The following FAT3 variants were observed in gnomAD, a reference collection of about 807,000 sequenced individuals.
FAT3 encodes the protein protocadherin Fat 3.
FAT3 carries 95 observed loss-of-function variants against 310.2 expected under a neutral mutation model. The ratio of observed to expected loss-of-function variants is 0.31; its 90% CI spans 0.26 to 0.36. The LOEUF is 0.36. Ranked by LOEUF, FAT3 falls within the 10% of genes least tolerant of loss-of-function variation. FAT3 has a pLI of 1.00. For missense variants in FAT3, 5,408 were observed against 5,715.6 expected (o/e 0.95, Z 1.74); for synonymous variants, 2,314 against 2,192.9 (o/e 1.06, Z -1.54).
At chr11:92,867,531 C>T (rs537980344) in intron 22 of FAT3, among the ~76,000 whole-genome samples, 3 of 152,290 alleles carry the variant, frequency 2.0e-5, no homozygotes, top group South Asian at 2.1e-4. Flanking sequence ...AATGGAACCC[C>T]CTTTTAAATA....
chr11:92,667,744 G>A (rs1006295984), intron 3 of FAT3, among the ~76,000 whole-genome samples: 5 of 152,162 alleles, frequency 3.3e-5, no homozygotes, highest in African/African-American at 7.2e-5. Context: ...TCATGAATGA[G>A]GAACAATGAG....
intron 2 of FAT3, among the ~76,000 whole-genome samples, chr11:92,398,752 G>T (rs1245679762): frequency 6.6e-6 from 1 of 152,098 alleles, no homozygotes; most frequent in South Asian, 2.1e-4. Flanking sequence ...TTCATGTTCT[G>T]TTCTGTTCTA....
intron 1 of FAT3, among the ~76,000 whole-genome samples, chr11:92,226,842 G>T (rs996703964): frequency 6.6e-6 from 1 of 152,178 alleles, no homozygotes. Context: ...CAGCCGCGGC[G>T]GGAGGGAGGG....
chr11:92,679,092 A>C (rs2135850620), intron 3 of FAT3, among the ~76,000 whole-genome samples: 1 of 151,780 alleles, frequency 6.6e-6, no homozygotes, highest in South Asian at 2.1e-4. Flanking sequence ...TAAGGTAATG[A>C]CCTCCAGTTC....
chr11:92,442,081 T>TTTTATATA (rs1355599282), intron 2 of FAT3, among the ~76,000 whole-genome samples: 7 of 69,990 alleles, frequency 1.0e-4, no homozygotes, highest in African/African-American at 5.8e-4. Flanking sequence ...AATATATATT[T>TTTTATATA]TATATATATA....
intron 6 of FAT3, among the ~76,000 whole-genome samples, chr11:92,765,346 C>G (rs1474332312): frequency 6.6e-6 from 1 of 152,118 alleles, no homozygotes; most frequent in African/African-American, 2.4e-5. Flanking sequence ...ATCTTAATGT[C>G]TTTCTGTGTG....
chr11:92,737,758 A>C (rs533583169), intron 4 of FAT3, among the ~76,000 whole-genome samples: 16 of 152,174 alleles, frequency 1.1e-4, no homozygotes, highest in African/African-American at 3.9e-4. Context: ...GGGAAGAACG[A>C]ACTTTGTTTT....
At chr11:92,668,456 G>A (rs184169389) in intron 3 of FAT3, among the ~76,000 whole-genome samples, 9 of 152,234 alleles carry the variant, frequency 5.9e-5, no homozygotes, top group African/African-American at 2.2e-4. Context: ...ATTCACATGG[G>A]CCTAACACTG....
chr11:92,736,746 G>A (rs1185508771), intron 4 of FAT3, among the ~76,000 whole-genome samples: 1 of 152,126 alleles, frequency 6.6e-6, no homozygotes. Context: ...CTTTTGAAAA[G>A]GAAAGATTCC....
chr11:92,389,137 A>C (rs1025689794), intron 2 of FAT3, among the ~76,000 whole-genome samples: 1 of 152,128 alleles, frequency 6.6e-6, no homozygotes. Flanking sequence ...TATTATTAGC[A>C]CCATTTTTAA....
intron 3 of FAT3, among the ~76,000 whole-genome samples, chr11:92,652,115 T>A (rs1942401327): frequency 6.6e-6 from 1 of 152,152 alleles, no homozygotes; most frequent in South Asian, 2.1e-4. Context: ...TTATGTCTTT[T>A]ATATACATAT....
chr11:92,670,971 G>A (rs886352358), intron 3 of FAT3, among the ~76,000 whole-genome samples: 2 of 151,940 alleles, frequency 1.3e-5, no homozygotes, highest in African/African-American at 4.8e-5. Flanking sequence ...TCCCAAGCCT[G>A]ACATTCAAAG....
intron 1 of FAT3, among the ~76,000 whole-genome samples, chr11:92,238,306 C>G (rs1864521123): frequency 6.6e-6 from 1 of 152,006 alleles, no homozygotes; most frequent in African/African-American, 2.4e-5. Flanking sequence ...TATTAACTTA[C>G]TTAGTCATCA....
intron 2 of FAT3, among the ~76,000 whole-genome samples, chr11:92,381,236 G>A (rs554363882): frequency 6.6e-6 from 1 of 152,340 alleles, no homozygotes; most frequent in East Asian, 1.9e-4. Flanking sequence ...TGGGCCAGGT[G>A]CAGTGGCTCA....
chr11:92,836,888 T>C (rs1247171941), intron 16 of FAT3, among the ~76,000 whole-genome samples, 185 bp downstream of exon 16: 1 of 152,172 alleles, frequency 6.6e-6, no homozygotes, highest in Non-Finnish European at 1.5e-5. Context: ...CTACCTATAA[T>C]AGATGCTGGT....
chr11:92,512,913 G>C (rs1953349038), intron 2 of FAT3, among the ~76,000 whole-genome samples: 1 of 99,770 alleles, frequency 1.0e-5, no homozygotes, highest in Admixed American at 1.1e-4. Context: ...ACGAGGTCAG[G>C]AGATCGAGAC....
intron 2 of FAT3, among the ~76,000 whole-genome samples, chr11:92,398,597 C>T (rs1286253276): frequency 6.6e-6 from 1 of 151,488 alleles, no homozygotes; most frequent in Non-Finnish European, 1.5e-5. Context: ...AACTTGATTG[C>T]CTCTACTACA....
intron 1 of FAT3, among the ~76,000 whole-genome samples, chr11:92,261,210 A>AT (rs1865539803): frequency 6.6e-6 from 1 of 152,106 alleles, no homozygotes; most frequent in African/African-American, 2.4e-5. Flanking sequence ...ATTTTAGAAC[A>AT]TAAGGAGGAA....
intron 4 of FAT3, among the ~76,000 whole-genome samples, chr11:92,729,971 A>G (rs1003188741): frequency 5.3e-5 from 8 of 152,180 alleles, no homozygotes; most frequent in African/African-American, 1.9e-4. Flanking sequence ...ATCATGAGTG[A>G]TTTTTTAAAA....
Sources: gnomAD v4.1 joint callset for allele counts (sites outside exome capture counted in the v4.1 genomes callset) on GRCh38, gnomAD v4.1.1 for gene constraint, MANE v1.5 for transcripts, NCBI Gene and HGNC (gene_info 2026-07-23, HGNC 2026-07-21) for gene names.